The following EFHC2 variants were observed in gnomAD, a reference collection of about 807,000 sequenced individuals.
The protein encoded by EFHC2 is EF-hand domain containing 2, also known as EF-hand domain-containing family member C2.
A neutral mutation model predicts 52.7 loss-of-function variants in EFHC2; 18 were observed. The observed-to-expected ratio is 0.34, with a 90% CI of 0.24 to 0.51. The LOEUF is 0.51. Among genes scored for constraint, EFHC2 ranks in the 20% least tolerant of loss-of-function variants. The pLI, the probability that EFHC2 is intolerant of heterozygous loss-of-function variation, is 0.97. For synonymous variants in EFHC2, 203 were observed against 204.1 expected (o/e 0.99, Z 0.04); for missense variants, 513 against 562.5 (o/e 0.91, Z 0.89).
chrX:44,248,277 C>G lies in EFHC2; in HGVS notation c.1106G>C (p.Gly369Ala), dbSNP rs1272945451. The change falls in exon 7 of 15, where the codon GGA becomes GCA. Residue 369 changes from glycine to alanine, a missense_variant. Gly to Ala is a moderately conservative substitution (Grantham distance 60). Coordinates refer to ENST00000420999, the MANE Select transcript of EFHC2 (RefSeq NM_025184.4). Reference sequence around the variant, plus strand: ...TTGACATATGTATCACTTACCAATTCCATATTTAGACTTATAATAAGACTT... The same window carrying G: ...TTGACATATGTATCACTTACCAATTGCATATTTAGACTTATAATAAGACTT... ...FTKSYYKSKY[G>A]IENFTSVSCK... is the part of the protein sequence containing the mutation. 2 of 1,142,801 alleles carry G rather than the reference C, an allele frequency of 1.8e-6. No homozygotes were observed. Among genetic ancestry groups the G allele is most frequent in the Non-Finnish European group, 2.3e-6 (2 of 856,279 alleles). 94.2% of individuals were successfully genotyped at this position (1,142,801 alleles called of 1,213,427 possible).
rs143102973 is a variant in EFHC2 at position 44,304,179 on chromosome X, T to G, written c.231+8389A>C. Among the ~76,000 whole-genome samples the G allele has an allele frequency of 1.3e-3, 135 of 106,973 alleles. No homozygotes were observed. In the East Asian group the frequency reaches 0.016, roughly 13 times the overall value. 92.9% of individuals were successfully genotyped at this position (106,973 alleles called of 115,157 possible). ...CAAATTTCAATTAATAATGAAGTAG[T>G]GGGTGCCTGATGTAATTAGAGAGTC... On this transcript the variant is annotated intron_variant, in intron 2 of 14. Transcript: ENST00000420999.
At chrX:44,272,646 T>A (rs2147352382) in intron 3 of EFHC2, 40 bp downstream of exon 3, 1 of 1,146,979 alleles carries the variant, frequency 8.7e-7, no homozygotes, top group East Asian at 3.3e-5. Context: ...AAGGCAGGAG[T>A]CAGAAGTGAA....
chrX:44,324,464 G>A (rs540558151), intron 1 of EFHC2, among the ~76,000 whole-genome samples: 3 of 110,981 alleles, frequency 2.7e-5, no homozygotes, highest in East Asian at 2.8e-4. Context: ...TTGAGAAATC[G>A]GCTCTATCTG....
In EFHC2 at chrX:44,250,732, G is replaced by A. The variant is rs1156788272; in HGVS notation, c.607-287C>T. On this transcript the variant is annotated intron_variant, in intron 4 of 14. Coordinates refer to ENST00000420999, the MANE Select transcript of EFHC2 (RefSeq NM_025184.4). ...CCCAGCTACTTGGGAGGCTGAGATG[G>A]GAGAATTGCTTGACCCCAGGAGGTC... Among the ~76,000 whole-genome samples, 9 of 105,417 alleles carry A rather than the reference G, an allele frequency of 8.5e-5. No individual in the cohort carries two copies. The Admixed American group carries it at 9.1e-4, about 11-fold the overall frequency. The allele number at this position is 105,417 out of a possible 115,157, so 91.5% of individuals were successfully genotyped here.
chrX:44,249,966 C>CT (rs1025102126), intron 5 of EFHC2, among the ~76,000 whole-genome samples: 5 of 112,510 alleles, frequency 4.4e-5, no homozygotes, highest in African/African-American at 1.6e-4. Flanking sequence ...TTACATTTGA[C>CT]TTTTTTCCTT....
At chrX:44,208,635 C>A (rs2037067494) in intron 11 of EFHC2, among the ~76,000 whole-genome samples, 1 of 111,432 alleles carries the variant, frequency 9.0e-6, no homozygotes, top group Non-Finnish European at 1.9e-5. Flanking sequence ...CCTTCTGAAT[C>A]TAAAATTTTT....
At chrX:44,265,526 C>T (rs2037570170) in intron 3 of EFHC2, among the ~76,000 whole-genome samples, 2 of 112,100 alleles carry the variant, frequency 1.8e-5, no homozygotes, top group Non-Finnish European at 3.8e-5. Context: ...GCCTCGGCCT[C>T]ACAAAGTGCT....
At chrX:44,326,334 A>C (rs2038051603) in intron 1 of EFHC2, among the ~76,000 whole-genome samples, 1 of 111,283 alleles carries the variant, frequency 9.0e-6, no homozygotes, top group Non-Finnish European at 1.9e-5. Flanking sequence ...TGTAGGATGA[A>C]TATGTTTAAC....
At chrX:44,174,042 A>G (rs2036765648) in intron 13 of EFHC2, among the ~76,000 whole-genome samples, 2 of 112,358 alleles carry the variant, frequency 1.8e-5, no homozygotes, top group Non-Finnish European at 3.8e-5. Context: ...CTCTACATAG[A>G]AAGACACAGG....
chrX:44,191,329 G>A (rs181763163), intron 11 of EFHC2, among the ~76,000 whole-genome samples: 112 of 110,523 alleles, frequency 1.0e-3, no homozygotes, highest in Non-Finnish European at 1.9e-3. Flanking sequence ...TCCGCCTCCC[G>A]GGTTTAAGCG....
intron 1 of EFHC2, among the ~76,000 whole-genome samples, chrX:44,320,716 G>A (rs1194887196): frequency 1.8e-5 from 2 of 109,749 alleles, no homozygotes; most frequent in African/African-American, 6.6e-5. Context: ...TCTTGCTTTC[G>A]TTACCATCTT....
chrX:44,256,606 C>G (rs373412180), intron 4 of EFHC2, among the ~76,000 whole-genome samples: 2 of 111,621 alleles, frequency 1.8e-5, no homozygotes, highest in Admixed American at 1.9e-4. Context: ...CCTGAATAGA[C>G]CAACCAATAA....
intron 11 of EFHC2, among the ~76,000 whole-genome samples, chrX:44,194,244 AT>A (rs35147905): frequency 0.44 from 48,947 of 110,147 alleles, 8,091 homozygotes; most frequent in African/African-American, 0.54. Context: ...GTTGTGGCTT[AT>A]TTTTTTTATT....
chrX:44,285,782 G>T, intron 2 of EFHC2: 1 of 156,833 alleles, frequency 6.4e-6, no homozygotes, highest in South Asian at 1.5e-4. Context: ...GCATATCCCA[G>T]AGCAGCAGAA....
At chrX:44,160,187 G>A (rs1189058869) in intron 14 of EFHC2, among the ~76,000 whole-genome samples, 1 of 111,666 alleles carries the variant, frequency 9.0e-6, no homozygotes, top group African/African-American at 3.3e-5. Flanking sequence ...ATGAAACTGG[G>A]GAGGGGTGAT....
chrX:44,213,430 G>C (rs1207330236), intron 11 of EFHC2, among the ~76,000 whole-genome samples: 1 of 111,858 alleles, frequency 8.9e-6, no homozygotes, highest in Non-Finnish European at 1.9e-5. Context: ...GCCCAAGATG[G>C]TTGAGGCACA....
intron 12 of EFHC2, among the ~76,000 whole-genome samples, chrX:44,177,913 C>T (rs971152912): frequency 3.7e-5 from 4 of 108,690 alleles, no homozygotes; most frequent in African/African-American, 6.7e-5. Context: ...TCCCCTATTC[C>T]GTCAACAAGA....
chrX:44,197,834 G>A (rs145486963), intron 11 of EFHC2, among the ~76,000 whole-genome samples: 2 of 112,185 alleles, frequency 1.8e-5, no homozygotes, highest in East Asian at 5.6e-4. Flanking sequence ...CCTGCCCTGC[G>A]GTATCCTCTC....
rs755743220 is a variant in EFHC2 at position 44,178,477 on chromosome X, T to C, written c.1839A>G (p.Thr613=). The part of the protein sequence containing the change: ...IARHYRVPEG[T]CSDMDFLIAL... ...CGATTAAGAAATCCATATCTGAACA[T>C]GTGCCCTCAGGCACACGGTAGTGAC... Residue 613 remains threonine, a synonymous_variant, in exon 12 of 15, where the codon ACA becomes ACG. Transcript: ENST00000420999. 2.3e-5 allele frequency: 28 copies of C among 1,206,887 alleles called. No homozygotes were observed. In the Admixed American group the frequency reaches 5.9e-4, roughly 26 times the overall value.
Sources: allele counts gnomAD v4.1 joint callset (sites outside exome capture counted in the v4.1 genomes callset), GRCh38; gene constraint gnomAD v4.1.1; transcripts MANE v1.5; gene names NCBI Gene and HGNC (gene_info 2026-07-23, HGNC 2026-07-21).